The following CPAP variants were observed in gnomAD, a reference collection of about 807,000 sequenced individuals.
CPAP encodes centrosome assembly and centriole elongation protein, also known as centrosomal P4.1-associated protein.
At chr13:24,885,827 C>A in the CPAP span, 1 of 642,014 alleles carries the variant, frequency 1.6e-6, no homozygotes, top group Non-Finnish European at 2.8e-6. Flanking sequence ...TTGTAGTTCT[C>A]CGACACAGGT....
At chr13:24,883,681 G>GTGTT in the CPAP span, among the ~76,000 whole-genome samples, 24 of 152,296 alleles carry the variant, frequency 1.6e-4, no homozygotes, top group African/African-American at 4.6e-4. Context: ...AACCATCTGA[G>GTGTT]TGTTTGTTTG....
At chr13:24,933,090 C>T in the CPAP span, 1 of 1,587,674 alleles carries the variant, frequency 6.3e-7, no homozygotes, top group Non-Finnish European at 8.6e-7. Context: ...TACAAACTGA[C>T]ATTAAGGAAA....
At chr13:24,929,848 A>G in the CPAP span, among the ~76,000 whole-genome samples, 1 of 148,094 alleles carries the variant, frequency 6.8e-6, no homozygotes, top group Non-Finnish European at 1.5e-5. Context: ...ATTGTTTTCA[A>G]GTTTGCTCAT....
At chr13:24,912,638 C>T in the CPAP span, 13 of 1,613,596 alleles carry the variant, frequency 8.1e-6, no homozygotes, top group Non-Finnish European at 1.1e-5. Context: ...AATTCACTCG[C>T]AAGATCTGGG....
chr13:24,910,088 T>G, the CPAP span: 1 of 1,611,194 alleles, frequency 6.2e-7, no homozygotes, highest in Non-Finnish European at 8.5e-7. Context: ...AACTCAAACC[T>G]TACAATTAAG....
chr13:24,883,614 T>C, the CPAP span, among the ~76,000 whole-genome samples: 1 of 152,178 alleles, frequency 6.6e-6, no homozygotes, highest in Non-Finnish European at 1.5e-5. Context: ...TTTTTTCAAC[T>C]TGTGTTCTTC....
At chr13:24,886,332 G>A in the CPAP span, 14 of 1,289,142 alleles carry the variant, frequency 1.1e-5, no homozygotes, top group African/African-American at 1.2e-4. Flanking sequence ...GAGGAGAGCG[G>A]AGGCAGGTGG....
the CPAP span, chr13:24,912,820 T>C: frequency 6.2e-7 from 1 of 1,614,184 alleles, no homozygotes; most frequent in Non-Finnish European, 8.5e-7. Flanking sequence ...ATCTTCTTCA[T>C]TTATAAAGCT....
chr13:24,896,289 A>T, the CPAP span, among the ~76,000 whole-genome samples: 3 of 152,216 alleles, frequency 2.0e-5, no homozygotes, highest in Non-Finnish European at 4.4e-5. Context: ...GTTCCTGAAG[A>T]GGGACGGCAA....
At chr13:24,902,508 GCAGAT>G in the CPAP span, among the ~76,000 whole-genome samples, 3 of 152,174 alleles carry the variant, frequency 2.0e-5, no homozygotes, top group Non-Finnish European at 4.4e-5. Flanking sequence ...TAAGCATACT[GCAGAT>G]TATAGTATAG....
the CPAP span, among the ~76,000 whole-genome samples, chr13:24,916,840 T>C: frequency 6.6e-6 from 1 of 152,174 alleles, no homozygotes; most frequent in East Asian, 1.9e-4. Context: ...TATGCAACTG[T>C]TAAAAAGAAC....
chr13:24,911,574 G>T, the CPAP span, among the ~76,000 whole-genome samples: 1 of 152,038 alleles, frequency 6.6e-6, no homozygotes, highest in Non-Finnish European at 1.5e-5. Context: ...TCACTCTGTT[G>T]CCCGGCTGGA....
chr13:24,884,093 A>AAGTT, the CPAP span: 5 of 1,572,146 alleles, frequency 3.2e-6, no homozygotes, highest in Non-Finnish European at 4.3e-6. Flanking sequence ...TCTGTTTAAA[A>AAGTT]AGTTGTTACA....
the CPAP span, among the ~76,000 whole-genome samples, chr13:24,896,805 G>T: frequency 6.6e-6 from 1 of 152,156 alleles, no homozygotes; most frequent in Non-Finnish European, 1.5e-5. Context: ...AACACAGCAA[G>T]GTTATCTCTA....
chr13:24,914,041 GAC>G, the CPAP span, among the ~76,000 whole-genome samples: 2 of 151,628 alleles, frequency 1.3e-5, no homozygotes, highest in African/African-American at 4.8e-5. Context: ...TAGTGGGGAA[GAC>G]ACACACACAC....
chr13:24,914,942 G>T, the CPAP span, among the ~76,000 whole-genome samples: 1 of 152,024 alleles, frequency 6.6e-6, no homozygotes, highest in Non-Finnish European at 1.5e-5. Flanking sequence ...AGGCGTCAGG[G>T]TGCACGCCTG....
chr13:24,913,913 AAGATAAGC>A, the CPAP span, among the ~76,000 whole-genome samples: 7 of 152,348 alleles, frequency 4.6e-5, no homozygotes, highest in East Asian at 1.4e-3. Flanking sequence ...CATAACAGAG[AAGATAAGC>A]CTTGCCTCTG....
the CPAP span, chr13:24,885,399 C>T: frequency 1.3e-6 from 2 of 1,575,096 alleles, no homozygotes; most frequent in Non-Finnish European, 1.7e-6. Context: ...GTAAGCACAA[C>T]ACATTTCAAG....
the CPAP span, among the ~76,000 whole-genome samples, chr13:24,894,523 G>C: frequency 7.2e-5 from 11 of 152,258 alleles, no homozygotes; most frequent in Non-Finnish European, 1.5e-5. Flanking sequence ...AGGCCGCGCT[G>C]CAGGGCGTGT....
Sources: gnomAD v4.1 joint callset for allele counts (sites outside exome capture counted in the v4.1 genomes callset) on GRCh38, gnomAD v4.1.1 for gene constraint, MANE v1.5 for transcripts, NCBI Gene and HGNC (gene_info 2026-07-23, HGNC 2026-07-21) for gene names.